Variants in SLC26A7 observed in about 807,000 individuals in gnomAD.
The protein encoded by SLC26A7 is solute carrier family 26 member 7.
Under a neutral mutation model 82.5 loss-of-function variants are expected in SLC26A7, and 59 were observed. The ratio of observed to expected loss-of-function variants is 0.72; its 90% CI spans 0.58 to 0.89. The LOEUF is 0.89. Among genes scored for constraint, SLC26A7 ranks in the 40% least tolerant of loss-of-function variants. The pLI is 0.00. For synonymous variants in SLC26A7, 271 were observed against 274.3 expected, an observed-to-expected ratio of 0.99 and a Z score of 0.12; for missense variants, 820 against 793.0, an observed-to-expected ratio of 1.03 and a Z score of -0.41.
rs760180934 is a variant in SLC26A7 at position 91,395,086 on chromosome 8, A to G, written c.1960A>G (p.Ser654Gly). 4.3e-6 allele frequency: 7 copies of G among 1,613,466 alleles called. No individual in the cohort carries two copies. Among genetic ancestry groups the G allele is most frequent in the Non-Finnish European group, 5.9e-6 (7 of 1,179,424 alleles). Residue 654 changes from serine (S) to glycine (G), a missense_variant, in exon 19 of 19, where the codon AGT becomes GGT. Ser to Gly is a moderately conservative substitution (Grantham distance 56). Coordinates refer to ENST00000276609, the MANE Select transcript of SLC26A7 (RefSeq NM_052832.4). ...GAATTTGAGCAAACTCAGTGACCAC[A>G]GTGAAGTCTGAGACCCTTTTGTCAC... ...NKNLSKLSDH[S>G]EV
intron 2 of SLC26A7, among the ~76,000 whole-genome samples, chr8:91,238,973 G>A (rs1810429565): frequency 6.6e-6 from 1 of 152,240 alleles, no homozygotes; most frequent in South Asian, 2.1e-4. Flanking sequence ...TAAGTACTAT[G>A]TGCTACTAAG....
chr8:91,263,798 C>T (rs1811035806), intron 2 of SLC26A7, among the ~76,000 whole-genome samples: 1 of 151,956 alleles, frequency 6.6e-6, no homozygotes, highest in Non-Finnish European at 1.5e-5. Context: ...TATTTATTTA[C>T]TCTGGGTTTT....
chr8:91,251,837 A>G (rs1438864426), intron 2 of SLC26A7, among the ~76,000 whole-genome samples: 1 of 152,148 alleles, frequency 6.6e-6, no homozygotes, highest in African/African-American at 2.4e-5. Flanking sequence ...TTTTCATAAC[A>G]CCAATGTTAT....
intron 2 of SLC26A7, among the ~76,000 whole-genome samples, chr8:91,280,538 A>G (rs556371873): frequency 6.6e-6 from 1 of 152,042 alleles, no homozygotes; most frequent in South Asian, 2.1e-4. Context: ...TCTATTCCCC[A>G]GGAAGCCCTC....
chr8:91,255,067 C>G (rs1810763828), intron 2 of SLC26A7, among the ~76,000 whole-genome samples: 1 of 152,088 alleles, frequency 6.6e-6, no homozygotes, highest in Non-Finnish European at 1.5e-5. Context: ...CATGAAAACT[C>G]AAGCATTGAG....
chr8:91,394,072 A>C, intron 18 of SLC26A7, 33 bp downstream of exon 18: 1 of 1,598,738 alleles, frequency 6.3e-7, no homozygotes, highest in Non-Finnish European at 8.6e-7. Flanking sequence ...AAGGAGTTAT[A>C]AGAATATTCA....
intron 5 of SLC26A7, among the ~76,000 whole-genome samples, chr8:91,333,951 C>T (rs1011585208): frequency 2.0e-5 from 3 of 152,060 alleles, no homozygotes; most frequent in African/African-American, 7.2e-5. Context: ...ACCCATGGTC[C>T]CCTGACCGCT....
intron 2 of SLC26A7, among the ~76,000 whole-genome samples, chr8:91,270,245 T>C (rs1811232137): frequency 6.6e-6 from 1 of 152,212 alleles, no homozygotes; most frequent in Non-Finnish European, 1.5e-5. Flanking sequence ...AGACCTTTAC[T>C]ACTTAATATT....
chr8:91,294,119 A>T (rs1811950449), intron 3 of SLC26A7, among the ~76,000 whole-genome samples: 1 of 152,244 alleles, frequency 6.6e-6, no homozygotes, highest in East Asian at 1.9e-4. Flanking sequence ...GTATTTATGT[A>T]CCACCAACTC....
intron 2 of SLC26A7, among the ~76,000 whole-genome samples, chr8:91,262,904 C>T (rs1811008020): frequency 6.6e-6 from 1 of 151,914 alleles, no homozygotes; most frequent in African/African-American, 2.4e-5. Context: ...AATATTTCAG[C>T]ATTTAATAAG....
At chr8:91,328,680 A>G (rs777305847) in intron 5 of SLC26A7, among the ~76,000 whole-genome samples, 2 of 152,140 alleles carry the variant, frequency 1.3e-5, no homozygotes, top group Non-Finnish European at 2.9e-5. Flanking sequence ...AGAAGTTGAG[A>G]ATCTATCAGT....
At position 91,249,814 on chromosome 8, in the gene SLC26A7, A is replaced by G; in HGVS notation, c.163A>G (p.Ile55Val). ...ENLLPDTVSG[I>V]MLAVQQVTQG... ...CTTGCTTCCAGACACTGTGTCTGGG[A>G]TAATGTTGGCAGTTCAACAGGTGAC... The change falls in exon 2 of 19, where the codon ATA (isoleucine) becomes GTA (valine). Residue 55 changes from isoleucine (I) to valine (V), a missense_variant. By Grantham distance (29) the Ile-to-Val change is conservative (BLOSUM62 3). Coordinates refer to ENST00000276609, the MANE Select transcript of SLC26A7 (RefSeq NM_052832.4). 6.2e-7 allele frequency: 1 copy of G among 1,608,072 alleles called. No homozygotes were observed. The highest frequency in any genetic ancestry group is 1.1e-5 in the South Asian group (1 of 89,720).
At chr8:91,362,033 C>T (rs1428560008) in intron 11 of SLC26A7, among the ~76,000 whole-genome samples, 2 of 152,076 alleles carry the variant, frequency 1.3e-5, no homozygotes, top group African/African-American at 2.4e-5. Flanking sequence ...AGTGGGAAAT[C>T]ATGGCATGCT....
At chr8:91,289,278 T>G (rs1811798476) in intron 3 of SLC26A7, 32 bp downstream of exon 3, 1 of 1,521,600 alleles carries the variant, frequency 6.6e-7, no homozygotes, top group African/African-American at 1.4e-5. Flanking sequence ...CTTCTAATGT[T>G]ACTCGCAAAA....
chr8:91,304,927 G>C (rs755937613), intron 4 of SLC26A7, among the ~76,000 whole-genome samples: 6 of 152,144 alleles, frequency 3.9e-5, no homozygotes, highest in Non-Finnish European at 8.8e-5. Context: ...TCAAGGTTCA[G>C]CTCAAACATA....
intron 2 of SLC26A7, among the ~76,000 whole-genome samples, chr8:91,265,477 T>C (rs1417673745): frequency 6.6e-6 from 1 of 152,064 alleles, no homozygotes; most frequent in Non-Finnish European, 1.5e-5. Context: ...TTTTCCATAA[T>C]GGCTATGCTA....
In SLC26A7 at chr8:91,237,332, G is replaced by T. The variant is rs191485320; in HGVS notation, c.-33-12287G>T. On this transcript the variant is annotated intron_variant, in intron 2 of 5. Coordinates refer to the SLC26A7 transcript ENST00000522862. The stretch of plus-strand genomic sequence containing the variant: ...TAGCTACGCTATAATTTTTTCTTGT[G>T]TATCTGAAATTCAAATTCAACTAGA... Among the ~76,000 whole-genome samples the T allele has an allele frequency of 1.1e-4, 16 of 152,188 alleles. No homozygotes were observed. The East Asian group carries it at 2.9e-3, about 28-fold the overall frequency.
intron 5 of SLC26A7, among the ~76,000 whole-genome samples, chr8:91,332,390 ATATAT>A (rs1020704285): frequency 5.4e-5 from 7 of 128,506 alleles, no homozygotes; most frequent in Admixed American, 7.9e-5. Flanking sequence ...TAATTTAAAA[ATATAT>A]TATATTTAAT....
At chr8:91,245,228 A>G (rs953763752), upstream of SLC26A7, among the ~76,000 whole-genome samples, 4 of 152,198 alleles carry the variant, frequency 2.6e-5, no homozygotes, top group African/African-American at 9.6e-5. Flanking sequence ...TTGGGCTCTT[A>G]AGTAGCAGAT....
Sources: gnomAD v4.1 joint callset for allele counts (sites outside exome capture counted in the v4.1 genomes callset) on GRCh38, gnomAD v4.1.1 for gene constraint, MANE v1.5 for transcripts, NCBI Gene and HGNC (gene_info 2026-07-23, HGNC 2026-07-21) for gene names.